The following NRXN3 variants were observed in gnomAD, a reference collection of about 807,000 sequenced individuals.
NRXN3 encodes the protein neurexin III.
A neutral mutation model predicts 137.6 loss-of-function variants in NRXN3; 32 were observed. That is an observed-to-expected ratio of 0.23 (90% CI 0.18 to 0.31). The LOEUF (loss-of-function observed/expected upper bound fraction) is 0.31. Ranked by LOEUF, NRXN3 falls within the 10% of genes least tolerant of loss-of-function variation. The pLI, the probability that NRXN3 is intolerant of heterozygous loss-of-function variation, is 1.00. For missense variants in NRXN3, 1,574 were observed against 2,062.5 expected (o/e 0.76, Z 4.59); for synonymous variants, 798 against 784.5 (o/e 1.02, Z -0.29).
At chr14:78,826,838 T>C (rs918036169) in intron 10 of NRXN3, among the ~76,000 whole-genome samples, 8 of 152,232 alleles carry the variant, frequency 5.3e-5, no homozygotes, top group African/African-American at 7.2e-5. Flanking sequence ...TGGTATCCTA[T>C]GAACTATGTT....
intron 15 of NRXN3, among the ~76,000 whole-genome samples, chr14:79,121,199 C>T (rs2055364675): frequency 6.6e-6 from 1 of 152,298 alleles, no homozygotes; most frequent in African/African-American, 2.4e-5. Context: ...AAGTGAAGAA[C>T]AGGACTATAT....
At chr14:78,463,214 G>T (rs1274280207) in intron 4 of NRXN3, among the ~76,000 whole-genome samples, 1 of 151,998 alleles carries the variant, frequency 6.6e-6, no homozygotes, top group Non-Finnish European at 1.5e-5. Context: ...TTCATAGTGT[G>T]TGTATACATA....
At chr14:78,421,998 T>C (rs778439291) in intron 4 of NRXN3, among the ~76,000 whole-genome samples, 1 of 152,148 alleles carries the variant, frequency 6.6e-6, no homozygotes, top group Non-Finnish European at 1.5e-5. Context: ...AGATGCTCCG[T>C]TTATTAGTTG....
intron 15 of NRXN3, among the ~76,000 whole-genome samples, chr14:79,302,433 C>T (rs569090128): frequency 1.3e-5 from 2 of 151,966 alleles, no homozygotes; most frequent in South Asian, 2.1e-4. Context: ...AGGGCAGGTA[C>T]GTCACATGGC....
intron 4 of NRXN3, among the ~76,000 whole-genome samples, chr14:78,362,781 T>C (rs8006004): frequency 0.52 from 78,594 of 151,886 alleles, 20,720 homozygotes; most frequent in Middle Eastern, 0.66. Context: ...GTAAGCAGCT[T>C]TTAAGACCCT....
At chr14:79,233,666 C>CTGTGTGTGTGTGTG (rs143246182) in intron 15 of NRXN3, among the ~76,000 whole-genome samples, 103 of 145,070 alleles carry the variant, frequency 7.1e-4, no homozygotes, top group African/African-American at 2.1e-3. Flanking sequence ...AGTATAACTG[C>CTGTGTGTGTGTGTG]TGTGTGTGTG....
At position 79,122,955 on chromosome 14, in the gene NRXN3, G is replaced by A. The variant is rs115743716; in HGVS notation, c.3262+134814G>A. 2.1e-3 allele frequency among the ~76,000 whole-genome samples: 318 copies of A among 152,258 alleles called. 1 individual carries two copies. Among genetic ancestry groups the A allele is most frequent in the African/African-American group, 7.3e-3 (305 of 41,550 alleles). The stretch of plus-strand genomic sequence containing the variant: ...TCCTGTTTTTCTTTGGAGGCCAAAG[G>A]TGACTCTAAATAATTTCATGAAAGT... On this transcript the variant is annotated intron_variant, in intron 15 of 20. Coordinates refer to ENST00000335750, the MANE Select transcript of NRXN3 (RefSeq NM_001330195.2).
Position 79,296,658 on chromosome 14 carries a change from G to A in NRXN3, c.3263-170563G>A, listed in dbSNP as rs547617534. Among the ~76,000 whole-genome samples the A allele has an allele frequency of 1.5e-3, 235 of 151,984 alleles. 1 individual carries two copies. The highest frequency in any genetic ancestry group is 3.4e-3 in the Middle Eastern group (1 of 294). Reference sequence around the variant, plus strand: ...ACTATATGACTTGTCCCTTTCAATTGCCCTGTAATTCTTTTATCATGATCA... The same window carrying A: ...ACTATATGACTTGTCCCTTTCAATTACCCTGTAATTCTTTTATCATGATCA... On this transcript the variant is annotated intron_variant, in intron 15 of 20. Transcript: ENST00000335750.
intron 10 of NRXN3, among the ~76,000 whole-genome samples, chr14:78,842,880 A>C (rs1207249716): frequency 6.6e-6 from 1 of 152,118 alleles, no homozygotes; most frequent in Non-Finnish European, 1.5e-5. Context: ...TGGCAGTCAG[A>C]GTTTAAGGTT....
chr14:79,384,026 T>C (rs1312622642), intron 15 of NRXN3, among the ~76,000 whole-genome samples: 3 of 152,182 alleles, frequency 2.0e-5, no homozygotes, highest in Admixed American at 2.0e-4. Context: ...AGTTTGAATG[T>C]CTGTTACCTG....
intron 15 of NRXN3, among the ~76,000 whole-genome samples, chr14:79,282,235 A>G (rs919814624): frequency 1.3e-5 from 2 of 152,144 alleles, no homozygotes; most frequent in African/African-American, 4.8e-5. Context: ...AAGACAGGAA[A>G]AAAAGAGGGA....
At chr14:79,315,943 G>A (rs1289274902) in intron 15 of NRXN3, among the ~76,000 whole-genome samples, 1 of 152,160 alleles carries the variant, frequency 6.6e-6, no homozygotes, top group African/African-American at 2.4e-5. Context: ...GGTTAAATAA[G>A]AAATACATTT....
chr14:78,775,764 T>C (rs1358244532), intron 8 of NRXN3, among the ~76,000 whole-genome samples: 1 of 152,250 alleles, frequency 6.6e-6, no homozygotes, highest in Non-Finnish European at 1.5e-5. Flanking sequence ...AGGCCATGTT[T>C]GATATCTGTA....
chr14:78,458,787 T>C (rs1421625029), intron 4 of NRXN3, among the ~76,000 whole-genome samples: 3 of 152,238 alleles, frequency 2.0e-5, no homozygotes, highest in South Asian at 4.1e-4. Flanking sequence ...TTATATCTCC[T>C]TCTCACCATT....
chr14:78,773,050 G>A (rs1304722403), intron 8 of NRXN3, among the ~76,000 whole-genome samples: 1 of 152,076 alleles, frequency 6.6e-6, no homozygotes, highest in Non-Finnish European at 1.5e-5. Flanking sequence ...AATAAACTCT[G>A]AGTAGACGAG....
At chr14:79,591,174 G>A (rs900844901) in intron 16 of NRXN3, among the ~76,000 whole-genome samples, 3 of 152,166 alleles carry the variant, frequency 2.0e-5, no homozygotes, top group African/African-American at 7.2e-5. Context: ...TAGATGGAAA[G>A]TATTTATGAA....
At chr14:79,261,411 T>C (rs960023293) in intron 15 of NRXN3, among the ~76,000 whole-genome samples, 2 of 151,978 alleles carry the variant, frequency 1.3e-5, no homozygotes, top group Non-Finnish European at 2.9e-5. Context: ...GGTTCCAGAC[T>C]AGAGATGCAG....
intron 15 of NRXN3, among the ~76,000 whole-genome samples, chr14:79,300,249 A>G (rs192201558): frequency 1.0e-3 from 154 of 152,204 alleles, no homozygotes; most frequent in African/African-American, 3.6e-3. Context: ...CGTTTCTCTA[A>G]TTGCACAGTG....
At chr14:78,620,446 T>C (rs1447374583) in intron 4 of NRXN3, among the ~76,000 whole-genome samples, 5 of 151,980 alleles carry the variant, frequency 3.3e-5, no homozygotes, top group Non-Finnish European at 7.4e-5. Flanking sequence ...CACTGCAGAG[T>C]AGCTAGCAAA....
Sources: allele counts gnomAD v4.1 joint callset (sites outside exome capture counted in the v4.1 genomes callset), GRCh38; gene constraint gnomAD v4.1.1; transcripts MANE v1.5; gene names NCBI Gene and HGNC (gene_info 2026-07-23, HGNC 2026-07-21).